SORCS2: variants seen among roughly 807,000 people sequenced by gnomAD.
The protein encoded by SORCS2 is VPS10 domain-containing receptor SorCS2.
In SORCS2, 100 loss-of-function variants were observed where a neutral mutation model predicts 141.6. The observed-to-expected ratio is 0.71, with a 90% confidence interval of 0.60 to 0.83. The LOEUF (loss-of-function observed/expected upper bound fraction) is 0.83, where lower values mean the gene tolerates loss of function less well. SORCS2 is among the 40% of genes least tolerant of loss of function. SORCS2 has a pLI of 0.00. For missense variants in SORCS2, 1,646 were observed against 1,560.2 expected (o/e 1.05, Z -0.93); for synonymous variants, 789 against 676.9 (o/e 1.17, Z -2.57).
intron 2 of SORCS2, among the ~76,000 whole-genome samples, chr4:7,476,998 T>C (rs1730337831): frequency 6.6e-6 from 1 of 152,180 alleles, no homozygotes; most frequent in East Asian, 1.9e-4. Flanking sequence ...TGACCTCCTT[T>C]ATGTCACCCC....
intron 1 of SORCS2, among the ~76,000 whole-genome samples, chr4:7,319,043 A>G (rs1718738752): frequency 6.6e-6 from 1 of 152,174 alleles, no homozygotes; most frequent in Non-Finnish European, 1.5e-5. Context: ...CAATTCATCC[A>G]TGTTGTAGTG....
chr4:7,519,005 C>CG (rs1733158825), intron 2 of SORCS2, among the ~76,000 whole-genome samples: 1 of 152,152 alleles, frequency 6.6e-6, no homozygotes, highest in Non-Finnish European at 1.5e-5. Context: ...CTGGCAGCCT[C>CG]GGGCTTGCAG....
intron 1 of SORCS2, among the ~76,000 whole-genome samples, chr4:7,260,044 C>G (rs1714211083): frequency 6.6e-6 from 1 of 152,264 alleles, no homozygotes; most frequent in Admixed American, 6.5e-5. Flanking sequence ...CCCTCTCACT[C>G]CCCTCTCCTG....
chr4:7,622,677 C>T (rs553066089), intron 3 of SORCS2, among the ~76,000 whole-genome samples: 8 of 152,120 alleles, frequency 5.3e-5, no homozygotes, highest in South Asian at 2.1e-4. Context: ...TCATGCAGGA[C>T]GGATATCTGT....
chr4:7,351,233 T>C (rs535006903), intron 1 of SORCS2, among the ~76,000 whole-genome samples: 7 of 152,212 alleles, frequency 4.6e-5, no homozygotes, highest in African/African-American at 7.2e-5. Flanking sequence ...ATCTGCTGTT[T>C]ACTGGCACAT....
intron 2 of SORCS2, among the ~76,000 whole-genome samples, chr4:7,510,470 A>G (rs535236647): frequency 6.6e-6 from 1 of 152,322 alleles, no homozygotes; most frequent in South Asian, 2.1e-4. Flanking sequence ...ACCTGGCTTC[A>G]TGGTTTCGGC....
At chr4:7,225,036 A>G (rs903682030) in intron 1 of SORCS2, among the ~76,000 whole-genome samples, 1 of 152,218 alleles carries the variant, frequency 6.6e-6, no homozygotes, top group African/African-American at 2.4e-5. Flanking sequence ...ATGTGATCCA[A>G]TTATACAAAA....
chr4:7,268,943 G>C (rs1320498951), intron 1 of SORCS2, among the ~76,000 whole-genome samples: 1 of 151,658 alleles, frequency 6.6e-6, no homozygotes, highest in Non-Finnish European at 1.5e-5. Context: ...AAGGAGGGAG[G>C]TGGCAGGACT....
At chr4:7,376,491 C>T (rs576621022) in intron 1 of SORCS2, among the ~76,000 whole-genome samples, 34 of 152,268 alleles carry the variant, frequency 2.2e-4, no homozygotes, top group Admixed American at 1.3e-3. Context: ...GCAGGAGAAT[C>T]GCTTGAACCC....
chr4:7,739,030 T>C (rs932015219), intron 26 of SORCS2, among the ~76,000 whole-genome samples: 3 of 152,192 alleles, frequency 2.0e-5, no homozygotes, highest in African/African-American at 7.2e-5. Flanking sequence ...GCTCGCTCTG[T>C]GTCAGCCCCA....
intron 1 of SORCS2, among the ~76,000 whole-genome samples, chr4:7,329,752 T>G (rs1425292519): frequency 2.6e-5 from 4 of 152,194 alleles, no homozygotes; most frequent in Non-Finnish European, 5.9e-5. Flanking sequence ...TTCACAACAG[T>G]GTGAAAGTGA....
intron 2 of SORCS2, among the ~76,000 whole-genome samples, chr4:7,413,900 T>A (rs1289616271): frequency 6.6e-6 from 1 of 152,140 alleles, no homozygotes; most frequent in Non-Finnish European, 1.5e-5. Context: ...CTTTTCCTCC[T>A]GCCTATCGGA....
At chr4:7,305,499 C>A (rs1280009121) in intron 1 of SORCS2, among the ~76,000 whole-genome samples, 1 of 152,162 alleles carries the variant, frequency 6.6e-6, no homozygotes, top group Non-Finnish European at 1.5e-5. Flanking sequence ...CTCCCCTCTC[C>A]GTCGTCTGCT....
chr4:7,719,601 G>A (rs748134986), intron 18 of SORCS2, among the ~76,000 whole-genome samples: 16 of 152,206 alleles, frequency 1.1e-4, no homozygotes, highest in Non-Finnish European at 1.9e-4. Context: ...GGAGCCAGGG[G>A]CAGCCCTGGG....
intron 1 of SORCS2, among the ~76,000 whole-genome samples, chr4:7,244,389 G>T (rs767999840): frequency 6.6e-6 from 1 of 152,254 alleles, no homozygotes; most frequent in Non-Finnish European, 1.5e-5. Flanking sequence ...ATGCCAGCCT[G>T]CCTGGTGGAA....
chr4:7,226,616 C>T (rs372839072), intron 1 of SORCS2, among the ~76,000 whole-genome samples: 12 of 152,294 alleles, frequency 7.9e-5, no homozygotes, highest in South Asian at 4.1e-4. Flanking sequence ...CCCCTTCCCC[C>T]GAGGCCACTA....
In SORCS2 at chr4:7,601,678, T is replaced by TG. The variant is rs138666142; in HGVS notation, c.649-36650_649-36649insG. On this transcript the variant is annotated intron_variant, in intron 3 of 26. Transcript: ENST00000507866. Reference sequence around the variant, plus strand: ...TTTGTTTTTTGTTTGTTTGTTTGTTTTTTTAGTATTTATTGATCATTCTTG... The same window carrying TG: ...TTTGTTTTTTGTTTGTTTGTTTGTTTGTTTTAGTATTTATTGATCATTCTTG... Among the ~76,000 whole-genome samples the TG allele has an allele frequency of 4.3e-3, 641 of 150,472 alleles. 2 individuals are homozygous for TG. Among genetic ancestry groups the TG allele is most frequent in the Middle Eastern group, 6.8e-3 (2 of 294 alleles).
chr4:7,386,120 T>TATGTACACACGCACAC (rs1471504150), intron 1 of SORCS2, among the ~76,000 whole-genome samples: 6 of 150,640 alleles, frequency 4.0e-5, no homozygotes, highest in Admixed American at 4.0e-4. Flanking sequence ...GACATACACA[T>TATGTACACACGCACAC]ATGTACACAC....
intron 2 of SORCS2, among the ~76,000 whole-genome samples, chr4:7,496,636 G>C (rs1731647170): frequency 6.6e-6 from 1 of 151,960 alleles, no homozygotes; most frequent in South Asian, 2.1e-4. Context: ...AGAGAAAGGA[G>C]AGTGGCCGGG....
Sources: gnomAD v4.1 joint callset for allele counts (sites outside exome capture counted in the v4.1 genomes callset) on GRCh38, gnomAD v4.1.1 for gene constraint, MANE v1.5 for transcripts, NCBI Gene and HGNC (gene_info 2026-07-23, HGNC 2026-07-21) for gene names.